The following CLMN variants were observed in gnomAD, a reference collection of about 807,000 sequenced individuals.
CLMN encodes the protein calmin.
CLMN carries 57 observed loss-of-function variants against 92.7 expected under a neutral mutation model. The ratio of observed to expected loss-of-function variants is 0.61; its 90% confidence interval spans 0.50 to 0.77. The LOEUF (loss-of-function observed/expected upper bound fraction) is 0.77. Ranked by LOEUF, CLMN falls within the 30% of genes least tolerant of loss-of-function variation. The pLI is 0.00. For synonymous variants in CLMN, 466 were observed against 470.6 expected (o/e 0.99, Z 0.13); for missense variants, 1,158 against 1,237.5 (o/e 0.94, Z 0.96).
chr14:95,196,592 C>G lies in CLMN; in HGVS notation c.2614G>C (p.Asp872His), dbSNP rs200827880. ...SKKKEKRKHVDHVESSLFVAP... is the reference protein window; with the variant it reads ...SKKKEKRKHVHHVESSLFVAP... ...ACAAATAGTGAACTTTCTACGTGGT[C>G]CACATGTTTCCTTTTTTCCTTTTTT... Residue 872 changes from aspartate (D) to histidine (H), a missense_variant, in exon 10 of 13, where the codon GAC becomes CAC. Asp to His is a moderately conservative substitution (Grantham distance 81). Transcript: ENST00000298912. The G allele has an allele frequency of 4.6e-5, 74 of 1,614,052 alleles. No individual in the cohort carries two copies. The highest frequency in any genetic ancestry group is 5.9e-5 in the Non-Finnish European group (70 of 1,180,024).
chr14:95,306,310 G>A (rs778280040), intron 1 of CLMN, among the ~76,000 whole-genome samples: 8 of 152,082 alleles, frequency 5.3e-5, no homozygotes, highest in Non-Finnish European at 8.8e-5. Context: ...TCAGGAGTTC[G>A]AGACCAGCCT....
Position 95,221,738 on chromosome 14 carries a change from G to C in CLMN, c.277C>G (p.Arg93Gly), listed in dbSNP as rs752273456. The C allele has an allele frequency of 6.2e-7, 1 of 1,614,126 alleles. No homozygotes were observed. The highest frequency in any genetic ancestry group is 1.1e-5 in the South Asian group (1 of 91,056). Residue 93 changes from arginine to glycine, a missense_variant, in exon 4 of 13, where the codon CGG (arginine) becomes GGG (glycine). Transcript: ENST00000298912. ...AGTGCTTTCGCTATGTTGTTCAACCGAAAAATACGATGCGACGAGGATTTG... is the reference window on the plus strand; with the variant it reads ...AGTGCTTTCGCTATGTTGTTCAACCCAAAAATACGATGCGACGAGGATTTG... The part of the protein sequence containing the change: ...EYKSSSHRIF[R>G]LNNIAKALKF...
intron 1 of CLMN, among the ~76,000 whole-genome samples, chr14:95,301,836 C>G (rs1015358580): frequency 5.3e-5 from 8 of 152,246 alleles, no homozygotes; most frequent in African/African-American, 9.6e-5. Context: ...TTCCAGACCT[C>G]CAACCAGACA....
intron 2 of CLMN, among the ~76,000 whole-genome samples, chr14:95,227,259 C>T (rs1374063540): frequency 4.6e-5 from 7 of 152,272 alleles, no homozygotes; most frequent in East Asian, 1.9e-4. Flanking sequence ...ACCCTTTATA[C>T]GAGTCCCTTT....
chr14:95,242,250 C>CTTTTTTTTT (rs371417505), intron 1 of CLMN, among the ~76,000 whole-genome samples: 13 of 92,584 alleles, frequency 1.4e-4, no homozygotes, highest in East Asian at 3.6e-4. Context: ...TTTTCTTTTT[C>CTTTTTTTTT]TTTTTTTTTT....
chr14:95,290,374 G>C (rs1450908089), intron 1 of CLMN, among the ~76,000 whole-genome samples: 1 of 152,250 alleles, frequency 6.6e-6, no homozygotes, highest in African/African-American at 2.4e-5. Flanking sequence ...AGGATCTTGA[G>C]ATGGAGAAGT....
At chr14:95,262,392 CAA>C (rs1166803325) in intron 1 of CLMN, among the ~76,000 whole-genome samples, 3 of 152,144 alleles carry the variant, frequency 2.0e-5, no homozygotes, top group African/African-American at 7.2e-5. Context: ...CTAGAACAAG[CAA>C]AGAGTCAACC....
chr14:95,245,255 ATATATATAT>A (rs1898492873), intron 1 of CLMN, among the ~76,000 whole-genome samples: 3 of 39,454 alleles, frequency 7.6e-5, no homozygotes, highest in African/African-American at 2.8e-4. Context: ...TATATATATA[ATATATATAT>A]ATATATTATA....
Position 95,196,702 on chromosome 14 carries a change from A to T in CLMN, c.2512-8T>A. ...GTTTGGGGATTCCTGGGACTGAAAG[A>T]CAGAACAACCAAATCCAAGTCAGTA... On this transcript the variant is annotated splice_region_variant and splice_polypyrimidine_tract_variant and intron_variant, in intron 9 of 12. Coordinates refer to ENST00000298912, the MANE Select transcript of CLMN (RefSeq NM_024734.4). 6.2e-7 allele frequency: 1 copy of T among 1,611,058 alleles called. No individual in the cohort carries two copies. Among genetic ancestry groups the T allele is most frequent in the Non-Finnish European group, 8.5e-7 (1 of 1,178,658 alleles).
At chr14:95,306,440 AC>A (rs1901281294) in intron 1 of CLMN, among the ~76,000 whole-genome samples, 1 of 151,962 alleles carries the variant, frequency 6.6e-6, no homozygotes, top group Non-Finnish European at 1.5e-5. Flanking sequence ...AATTGCTTGA[AC>A]CCAAAAGGCA....
In CLMN at chr14:95,204,299, G is replaced by C. The variant is rs1181131342; in HGVS notation, c.1050C>G (p.Val350=). ...TGCTCTCGGGCTTGTCACAGACAAA[G>C]ACTTTGGAGGGTGGTGGGTGGCTGG... The part of the protein sequence containing the change: ...HETSHPPPSK[V]FVCDKPESMK... Residue 350 remains valine, a synonymous_variant, in exon 9 of 13, where the codon GTC becomes GTG. Transcript: ENST00000298912. 6.2e-7 allele frequency: 1 copy of C among 1,614,154 alleles called. No homozygotes were observed.
At chr14:95,192,926 A>G (rs1896596498) in intron 12 of CLMN, 1 of 174,042 alleles carries the variant, frequency 5.7e-6, no homozygotes, top group Admixed American at 6.2e-5. Flanking sequence ...AAAAAGGATT[A>G]TTTTCCTATG....
intron 1 of CLMN, among the ~76,000 whole-genome samples, chr14:95,248,200 T>A (rs1237795632): frequency 2.6e-5 from 4 of 152,088 alleles, no homozygotes; most frequent in African/African-American, 9.7e-5. Context: ...TGGGCTTTGA[T>A]TCAGACAATT....
At chr14:95,250,189 T>C (rs1186078654) in intron 1 of CLMN, among the ~76,000 whole-genome samples, 1 of 152,246 alleles carries the variant, frequency 6.6e-6, no homozygotes, top group African/African-American at 2.4e-5. Flanking sequence ...TATTTGTATA[T>C]GATCAAGAAA....
chr14:95,318,572 A>G (rs1244375078), intron 1 of CLMN, among the ~76,000 whole-genome samples: 1 of 152,080 alleles, frequency 6.6e-6, no homozygotes, highest in Non-Finnish European at 1.5e-5. Context: ...TCCCTACCCT[A>G]TAACAGTAAA....
chr14:95,247,990 G>A (rs952641414), intron 1 of CLMN, among the ~76,000 whole-genome samples: 3 of 151,998 alleles, frequency 2.0e-5, no homozygotes, highest in Non-Finnish European at 4.4e-5. Flanking sequence ...CCTAACCCTT[G>A]GGTTTATGCA....
chr14:95,243,540 TCCCTCACCTAA>T (rs1470263321), intron 1 of CLMN, among the ~76,000 whole-genome samples: 17 of 152,192 alleles, frequency 1.1e-4, no homozygotes, highest in Non-Finnish European at 2.1e-4. Context: ...CACTCACTCC[TCCCTCACCTAA>T]CCCCTACTAA....
In CLMN at chr14:95,191,402, A is replaced by G. The variant is rs1896555452; in HGVS notation, c.*162T>C. On this transcript the variant is annotated 3_prime_UTR_variant, in exon 13 of 13. Coordinates refer to ENST00000298912, the MANE Select transcript of CLMN (RefSeq NM_024734.4). The surrounding 1 kb of genome is among the most constrained non-coding windows in gnomAD (Gnocchi z 5.3). ...TCAGGTTGTCCAGAAAAAAAAGGAA[A>G]CCTGAAAAAAAAAAAAAAACCACAA... 4.3e-6 allele frequency: 2 copies of G among 460,386 alleles called. No homozygotes were observed. The highest frequency in any genetic ancestry group is 2.5e-5 in the African/African-American group (1 of 39,898). 28.5% of individuals were successfully genotyped at this position (460,386 alleles called of 1,614,324 possible).
intron 1 of CLMN, among the ~76,000 whole-genome samples, chr14:95,230,621 G>A (rs994899011): frequency 3.2e-4 from 49 of 152,158 alleles, no homozygotes; most frequent in African/African-American, 1.2e-3. Flanking sequence ...GACAGCCCAA[G>A]ATCAGACTCT....
Sources: gnomAD v4.1 joint callset for allele counts (sites outside exome capture counted in the v4.1 genomes callset) on GRCh38, gnomAD v4.1.1 for gene constraint, Gnocchi (gnomAD v3.1) non-coding constraint, MANE v1.5 for transcripts, NCBI Gene and HGNC (gene_info 2026-07-23, HGNC 2026-07-21) for gene names.